Variants in GARNL3 observed in about 807,000 individuals in gnomAD.
The protein encoded by GARNL3 is GTPase activating Rap/RanGAP domain like 3.
Under a neutral mutation model 125.0 loss-of-function variants are expected in GARNL3, and 63 were observed. The observed-to-expected ratio is 0.50, with a 90% CI of 0.41 to 0.62. GARNL3 has a LOEUF of 0.62. Among genes scored for constraint, GARNL3 ranks in the 20% least tolerant of loss-of-function variants. GARNL3 has a pLI of 0.00. For missense variants in GARNL3, 994 were observed against 1,244.0 expected (o/e 0.80, Z 3.02); for synonymous variants, 439 against 457.5 (o/e 0.96, Z 0.52).
In GARNL3 at chr9:127,317,186, T is replaced by C. The variant is rs116944496; in HGVS notation, c.439-877T>C. Among the ~76,000 whole-genome samples the C allele has an allele frequency of 6.7e-3, 1,017 of 152,284 alleles. 39 individuals carry two copies. Among genetic ancestry groups the C allele is most frequent in the Non-Finnish European group, 9.2e-3 (625 of 68,020 alleles). On this transcript the variant is annotated intron_variant, in intron 4 of 27. Transcript: ENST00000373387. Reference sequence around the variant, plus strand: ...AGGCAATTCTTCATTTCCTTTTTAGTCAAAATATATTCATTGAGTATTCCT... The same window carrying C: ...AGGCAATTCTTCATTTCCTTTTTAGCCAAAATATATTCATTGAGTATTCCT...
At chr9:127,345,641 A>G (rs1459398041) in intron 16 of GARNL3, among the ~76,000 whole-genome samples, 164 bp downstream of exon 16, 1 of 152,220 alleles carries the variant, frequency 6.6e-6, no homozygotes, top group Non-Finnish European at 1.5e-5. Flanking sequence ...ATTTAGTGAG[A>G]GCCTCTGTGT....
At chr9:127,368,553 A>T (rs1831421106) in intron 22 of GARNL3, among the ~76,000 whole-genome samples, 1 of 147,902 alleles carries the variant, frequency 6.8e-6, no homozygotes, top group Non-Finnish European at 1.5e-5. Context: ...CTGGTCTCGA[A>T]CTCCTGACCT....
intron 4 of GARNL3, among the ~76,000 whole-genome samples, chr9:127,317,854 C>G (rs1431668963): frequency 6.6e-6 from 1 of 152,206 alleles, no homozygotes; most frequent in Non-Finnish European, 1.5e-5. Context: ...ATGCTGAAAT[C>G]CACACATGTT....
At chr9:127,231,051 T>A (rs2063000894) in intron 1 of GARNL3, among the ~76,000 whole-genome samples, 2 of 58,086 alleles carry the variant, frequency 3.4e-5, no homozygotes. Flanking sequence ...TATATATATA[T>A]TTTTTTTTTT....
chr9:127,358,463 TCAAA>T (rs1438809358), intron 21 of GARNL3, among the ~76,000 whole-genome samples: 18 of 152,256 alleles, frequency 1.2e-4, no homozygotes, highest in Non-Finnish European at 2.2e-4. Flanking sequence ...TTCAGCTAAA[TCAAA>T]CAGACTGCAG....
At chr9:127,382,985 G>T (rs1832347887) in intron 22 of GARNL3, among the ~76,000 whole-genome samples, 1 of 152,212 alleles carries the variant, frequency 6.6e-6, no homozygotes, top group Admixed American at 6.5e-5. Context: ...ACAAGTGTGG[G>T]AGACAGTAGG....
intron 1 of GARNL3, among the ~76,000 whole-genome samples, chr9:127,274,110 A>G (rs1053805335): frequency 2.0e-5 from 3 of 152,226 alleles, no homozygotes; most frequent in East Asian, 3.8e-4. Flanking sequence ...TTCTGTATCT[A>G]GCCGTTAACA....
At chr9:127,377,358 G>A (rs1010779775) in intron 22 of GARNL3, among the ~76,000 whole-genome samples, 1 of 152,174 alleles carries the variant, frequency 6.6e-6, no homozygotes, top group Non-Finnish European at 1.5e-5. Flanking sequence ...AAAAGTAAAT[G>A]TATGCCTCTG....
intron 1 of GARNL3, among the ~76,000 whole-genome samples, chr9:127,228,205 A>G (rs2062946140): frequency 1.3e-5 from 2 of 152,224 alleles, no homozygotes; most frequent in African/African-American, 2.4e-5. Context: ...TATTGGACAC[A>G]TGTAGTTTAC....
chr9:127,256,565 ATC>A, intron 2 of GARNL3, among the ~76,000 whole-genome samples: 1 of 152,348 alleles, frequency 6.6e-6, no homozygotes, highest in East Asian at 1.9e-4. Context: ...GGGACCGCAT[ATC>A]TCAGGTTCAG....
At chr9:127,340,214 C>A (rs980743594) in intron 13 of GARNL3, among the ~76,000 whole-genome samples, 1 of 152,116 alleles carries the variant, frequency 6.6e-6, no homozygotes, top group Non-Finnish European at 1.5e-5. Context: ...AAGAGAAAGA[C>A]AGAATGAGAA....
upstream of GARNL3, chr9:127,263,864 T>G: frequency 1.5e-5 from 20 of 1,349,032 alleles, no homozygotes; most frequent in Non-Finnish European, 1.9e-5. Context: ...GCTGTCTTTC[T>G]TGGAGCCTGT....
At chr9:127,279,744 G>A (rs751466843) in intron 1 of GARNL3, among the ~76,000 whole-genome samples, 2 of 151,958 alleles carry the variant, frequency 1.3e-5, no homozygotes, top group Non-Finnish European at 2.9e-5. Flanking sequence ...TTTTTTCATA[G>A]CCCCCATTTT....
At chr9:127,387,590 A>C (rs1832610621) in intron 25 of GARNL3, among the ~76,000 whole-genome samples, 1 of 151,928 alleles carries the variant, frequency 6.6e-6, no homozygotes, top group African/African-American at 2.4e-5. Flanking sequence ...TAAAAATACA[A>C]AAATTAGCCG....
intron 1 of GARNL3, among the ~76,000 whole-genome samples, chr9:127,277,911 T>A (rs1025853592): frequency 2.0e-5 from 3 of 152,194 alleles, no homozygotes; most frequent in African/African-American, 7.2e-5. Context: ...TGTGGGCATT[T>A]TTTACCTGTC....
intron 22 of GARNL3, among the ~76,000 whole-genome samples, chr9:127,381,261 A>C (rs1267465894): frequency 6.6e-6 from 1 of 152,238 alleles, no homozygotes; most frequent in Non-Finnish European, 1.5e-5. Flanking sequence ...AAAAAATAAA[A>C]TTGGTTTCAT....
At chr9:127,256,560 C>T (rs2063498585) in intron 2 of GARNL3, among the ~76,000 whole-genome samples, 1 of 152,154 alleles carries the variant, frequency 6.6e-6, no homozygotes, top group Admixed American at 6.5e-5. Flanking sequence ...GAGCAGGGAC[C>T]GCATATCTCA....
chr9:127,313,069 C>T (rs2065138282), intron 3 of GARNL3, among the ~76,000 whole-genome samples: 1 of 152,098 alleles, frequency 6.6e-6, no homozygotes, highest in Admixed American at 6.5e-5. Flanking sequence ...GCAGCTTGGC[C>T]CTTGGGCTGG....
intron 21 of GARNL3, among the ~76,000 whole-genome samples, chr9:127,358,939 C>T (rs1168375366): frequency 6.6e-6 from 1 of 151,344 alleles, no homozygotes; most frequent in Non-Finnish European, 1.5e-5. Context: ...GTGTCTGACC[C>T]CAGGCCAAGC....
Sources: allele counts gnomAD v4.1 joint callset (sites outside exome capture counted in the v4.1 genomes callset), GRCh38; gene constraint gnomAD v4.1.1; transcripts MANE v1.5; gene names NCBI Gene and HGNC (gene_info 2026-07-23, HGNC 2026-07-21).